Variants in IFT56 observed in about 807,000 individuals in gnomAD.
The protein encoded by IFT56 is intraflagellar transport protein 56.
chr7:139,184,583 G>A, the IFT56 span, among the ~76,000 whole-genome samples: 8 of 152,276 alleles, frequency 5.3e-5, no homozygotes, highest in East Asian at 1.9e-4. Context: ...CTGTAAAAGG[G>A]TAACAAGGGA....
chr7:139,147,142 T>C, the IFT56 span: 2 of 1,612,036 alleles, frequency 1.2e-6, no homozygotes, highest in Non-Finnish European at 1.7e-6. Flanking sequence ...CTCACAATTT[T>C]AGTTTAATGA....
chr7:139,155,371 T>C, the IFT56 span, among the ~76,000 whole-genome samples: 1 of 152,210 alleles, frequency 6.6e-6, no homozygotes, highest in South Asian at 2.1e-4. Context: ...AGAGCAGATA[T>C]CCTTGTCTTG....
chr7:139,151,716 T>C, the IFT56 span, among the ~76,000 whole-genome samples: 1 of 152,210 alleles, frequency 6.6e-6, no homozygotes, highest in Non-Finnish European at 1.5e-5. Context: ...GGCTGAAAAA[T>C]AGTCACATTG....
the IFT56 span, among the ~76,000 whole-genome samples, chr7:139,169,107 C>G: frequency 3.3e-5 from 5 of 152,000 alleles, no homozygotes; most frequent in East Asian, 7.7e-4. Context: ...TCTGCCTGTC[C>G]CTGCACAGGT....
the IFT56 span, among the ~76,000 whole-genome samples, chr7:139,144,761 G>T: frequency 6.6e-6 from 1 of 151,674 alleles, no homozygotes; most frequent in African/African-American, 2.4e-5. Flanking sequence ...TTCAGTTATT[G>T]TATTTATTTT....
chr7:139,177,707 C>A, the IFT56 span, among the ~76,000 whole-genome samples: 4 of 151,072 alleles, frequency 2.6e-5, no homozygotes, highest in Non-Finnish European at 4.4e-5. Flanking sequence ...GGATAAGGAG[C>A]CTTAGGAATG....
At chr7:139,167,306 A>T in the IFT56 span, among the ~76,000 whole-genome samples, 1 of 152,204 alleles carries the variant, frequency 6.6e-6, no homozygotes, top group Non-Finnish European at 1.5e-5. Flanking sequence ...TGTATCTCTA[A>T]CACTATGTGC....
the IFT56 span, among the ~76,000 whole-genome samples, chr7:139,150,174 G>T: frequency 4.6e-5 from 7 of 152,124 alleles, no homozygotes; most frequent in African/African-American, 1.7e-4. Context: ...CATTCTTGGG[G>T]TAATAGTCAT....
the IFT56 span, among the ~76,000 whole-genome samples, chr7:139,138,093 A>T: frequency 1.3e-5 from 2 of 152,230 alleles, no homozygotes; most frequent in South Asian, 2.1e-4. Context: ...ATACTTGTTA[A>T]TGAAGGTAAC....
chr7:139,148,077 T>C, the IFT56 span: 118 of 748,556 alleles, frequency 1.6e-4, no homozygotes, highest in African/African-American at 1.8e-3. Context: ...ATACTGATCA[T>C]ATCTTGCCCT....
At chr7:139,165,741 G>A in the IFT56 span, among the ~76,000 whole-genome samples, 10 of 152,176 alleles carry the variant, frequency 6.6e-5, 2 homozygotes, top group African/African-American at 2.2e-4. Context: ...TCAGACACAC[G>A]CCTAAAGCAG....
At chr7:139,154,391 G>T in the IFT56 span, among the ~76,000 whole-genome samples, 1 of 148,634 alleles carries the variant, frequency 6.7e-6, no homozygotes, top group Non-Finnish European at 1.5e-5. Flanking sequence ...TGTACTTTTG[G>T]GGTTATATTT....
chr7:139,151,922 A>G, the IFT56 span, among the ~76,000 whole-genome samples: 1 of 152,234 alleles, frequency 6.6e-6, no homozygotes, highest in South Asian at 2.1e-4. Flanking sequence ...TTAGCTGGGC[A>G]TGGTGGCACA....
the IFT56 span, chr7:139,147,312 C>A: frequency 6.4e-7 from 1 of 1,563,290 alleles, no homozygotes; most frequent in Non-Finnish European, 8.7e-7. Context: ...TTTATGCCCA[C>A]TCTCCATTCC....
At chr7:139,148,070 C>A in the IFT56 span, 1 of 680,582 alleles carries the variant, frequency 1.5e-6, no homozygotes, top group Non-Finnish European at 2.4e-6. Flanking sequence ...AAAAATTATA[C>A]TGATCATATC....
chr7:139,187,515 T>C, the IFT56 span: 8 of 1,614,196 alleles, frequency 5.0e-6, no homozygotes, highest in Non-Finnish European at 6.8e-6. Context: ...ATTTTCCAGA[T>C]GATCATAGCT....
At chr7:139,181,043 T>C in the IFT56 span, 1 of 1,162,962 alleles carries the variant, frequency 8.6e-7, no homozygotes, top group Non-Finnish European at 1.3e-6. Flanking sequence ...ATTATTTTTG[T>C]ACAGTAAAAA....
At chr7:139,161,246 C>G in the IFT56 span, 156 of 467,482 alleles carry the variant, frequency 3.3e-4, no homozygotes, top group African/African-American at 2.8e-3. Context: ...GAAAGAAGCA[C>G]AAGGCAGTGT....
the IFT56 span, chr7:139,178,678 C>A: frequency 2.3e-6 from 3 of 1,313,918 alleles, no homozygotes; most frequent in South Asian, 3.6e-5. Context: ...ATAAAATGGT[C>A]AAGGGTTAAG....
Sources: gnomAD v4.1 joint callset for allele counts (sites outside exome capture counted in the v4.1 genomes callset) on GRCh38, gnomAD v4.1.1 for gene constraint, MANE v1.5 for transcripts, NCBI Gene and HGNC (gene_info 2026-07-23, HGNC 2026-07-21) for gene names.